The following PON1 variants were observed in gnomAD, a reference collection of about 807,000 sequenced individuals.
PON1 encodes serum paraoxonase/arylesterase 1.
PON1 carries 37 observed loss-of-function variants against 39.2 expected under a neutral mutation model. The observed-to-expected ratio is 0.94, with a 90% CI of 0.73 to 1.24. PON1 has a LOEUF of 1.24. Among genes scored for constraint, PON1 ranks in the 50% most tolerant of loss-of-function variants. The pLI is 0.00. For synonymous variants in PON1, 148 were observed against 152.2 expected, an observed-to-expected ratio of 0.97 and a Z score of 0.21; for missense variants, 397 against 413.5, an observed-to-expected ratio of 0.96 and a Z score of 0.35.
Position 95,298,606 on chromosome 7 carries a change from G to A in PON1, c.*338C>T, listed in dbSNP as rs1585689153. On this transcript the variant is annotated 3_prime_UTR_variant, in exon 9 of 9. Transcript: ENST00000222381. Reference sequence around the variant, plus strand: ...CATGGCAAGGCAGCGATACACACATGTGCTTCCAGGCAACACATGTTTTAG... The same window carrying A: ...CATGGCAAGGCAGCGATACACACATATGCTTCCAGGCAACACATGTTTTAG... The A allele has an allele frequency of 2.6e-6, 1 of 384,994 alleles. No individual in the cohort carries two copies. The highest frequency in any genetic ancestry group is 2.2e-5 in the South Asian group (1 of 46,098). 23.8% of individuals were successfully genotyped at this position (384,994 alleles called of 1,614,324 possible). A position where few individuals can be genotyped will look rare whatever the true frequency, so the allele number is the denominator to read the frequency against.
In PON1 at chr7:95,306,479, T is replaced by C. The variant is rs1446198954; in HGVS notation, c.699-113A>G. ...AGAACTTTGCTTAAGGAATGGAAAA[T>C]GGAACCCACCTCAAACACACCAAAT... On this transcript the variant is annotated intron_variant, in intron 6 of 8. Coordinates refer to ENST00000222381, the MANE Select transcript of PON1 (RefSeq NM_000446.7). 3 of 807,260 alleles carry C rather than the reference T, an allele frequency of 3.7e-6. No individual in the cohort carries two copies. The African/African-American group carries it at 5.1e-5, about 14-fold the overall frequency. 50.0% of individuals were successfully genotyped at this position (807,260 alleles called of 1,614,324 possible).
intron 4 of PON1, 114 bp from the exon 5 acceptor site, chr7:95,311,691 T>C: frequency 1.8e-6 from 2 of 1,123,074 alleles, no homozygotes; most frequent in South Asian, 1.3e-5. Context: ...GTCAGGCAGA[T>C]GGAATATTTT....
rs2116333549 is a variant in PON1, at chr7:95,324,354, G to C, written c.74+48C>G. On this transcript the variant is annotated intron_variant, in intron 1 of 8. Coordinates refer to ENST00000222381, the MANE Select transcript of PON1 (RefSeq NM_000446.7). ...TTTCTGGGGGCTCGTGGAGCTGGCA[G>C]GGAGTGAGGAGGACGAAGGCTGCAG... The C allele has an allele frequency of 2.5e-6, 4 of 1,572,612 alleles. No homozygotes were observed. The East Asian group carries it at 9.0e-5, about 35-fold the overall frequency.
At position 95,298,795 on chromosome 7, in the gene PON1, A is replaced by G. The variant is rs751372474; in HGVS notation, c.*149T>C. 3.0e-5 allele frequency: 28 copies of G among 938,942 alleles called. No homozygotes were observed. Among genetic ancestry groups the G allele is most frequent in the Non-Finnish European group, 4.4e-5 (26 of 590,898 alleles). 58.2% of individuals were successfully genotyped at this position (938,942 alleles called of 1,614,324 possible). A position where few individuals can be genotyped will look rare whatever the true frequency, so the allele number is the denominator to read the frequency against. ...AAAAAAAAGCCCTACACATCATATC[A>G]CTCCCAGTTAAACAGTGCTTTGATG... is the stretch of plus-strand genomic sequence containing the variant. On this transcript the variant is annotated 3_prime_UTR_variant, in exon 9 of 9. Transcript: ENST00000222381.
intron 7 of PON1, among the ~76,000 whole-genome samples, chr7:95,302,805 G>A (rs767500509): frequency 6.6e-6 from 1 of 152,166 alleles, no homozygotes; most frequent in Non-Finnish European, 1.5e-5. Context: ...TGCAGCCAGA[G>A]AAGAAATGAT....
Position 95,318,319 on chromosome 7 carries a change from A to G in PON1, c.145+4T>C, listed in dbSNP as rs780854729. On this transcript the variant is annotated splice_donor_region_variant and intron_variant, in intron 2 of 8. Coordinates refer to ENST00000222381, the MANE Select transcript of PON1 (RefSeq NM_000446.7). The stretch of plus-strand genomic sequence containing the variant: ...TGAGACCCTTCTTCCTCTCACATAC[A>G]TACCGATTCCTTTAACTAAATTACA... The G allele has an allele frequency of 1.4e-5, 23 of 1,598,940 alleles. No homozygotes were observed. The highest frequency in any genetic ancestry group is 2.0e-5 in the Non-Finnish European group (23 of 1,166,296).
intron 7 of PON1, among the ~76,000 whole-genome samples, chr7:95,303,725 A>G (rs939124530): frequency 2.3e-4 from 35 of 152,208 alleles, no homozygotes; most frequent in Admixed American, 2.0e-3. Flanking sequence ...TTGCAAATAA[A>G]TAATTCCTCT....
chr7:95,321,827 A>T (rs1465357928), intron 1 of PON1, among the ~76,000 whole-genome samples: 3 of 152,138 alleles, frequency 2.0e-5, no homozygotes, highest in African/African-American at 7.2e-5. Context: ...CTGCATTGGG[A>T]TTAATAACTC....
At chr7:95,305,963 G>A (rs1025754319) in intron 7 of PON1, among the ~76,000 whole-genome samples, 2 of 151,864 alleles carry the variant, frequency 1.3e-5, no homozygotes, top group South Asian at 2.1e-4. Flanking sequence ...GGGAAGGAAG[G>A]TGGAGGAGAG....
chr7:95,321,611 G>T (rs1182141695), intron 1 of PON1, among the ~76,000 whole-genome samples: 3 of 152,196 alleles, frequency 2.0e-5, no homozygotes, highest in Admixed American at 6.5e-5. Context: ...GGCACTGAGA[G>T]GCTGAGTAAA....
chr7:95,324,499 G>A lies in PON1; in HGVS notation c.-24C>T, dbSNP rs543016244. On this transcript the variant is annotated 5_prime_UTR_variant, in exon 1 of 9. Coordinates refer to ENST00000222381, the MANE Select transcript of PON1 (RefSeq NM_000446.7). ...ATGGTCGGGGATAGACAAAGGGATCGATGGGCGCAGACACCGACGGGCTAG... is the reference window on the plus strand; with the variant it reads ...ATGGTCGGGGATAGACAAAGGGATCAATGGGCGCAGACACCGACGGGCTAG... The A allele has an allele frequency of 3.0e-4, 482 of 1,609,174 alleles. 4 individuals are homozygous for A. The South Asian group carries it at 4.8e-3, about 16-fold the overall frequency.
intron 2 of PON1, 111 bp from the exon 3 acceptor site, chr7:95,316,900 A>AT: frequency 8.7e-6 from 7 of 804,644 alleles, no homozygotes; most frequent in Non-Finnish European, 1.4e-5. Context: ...ACTCTTCTTT[A>AT]ATAGGTTCAG....
chr7:95,321,857 C>T (rs371591367), intron 1 of PON1, among the ~76,000 whole-genome samples: 1 of 152,188 alleles, frequency 6.6e-6, no homozygotes, highest in East Asian at 1.9e-4. Context: ...CCCTCAGGAA[C>T]CTTCACATAT....
chr7:95,300,004 A>T (rs979620234), intron 8 of PON1, among the ~76,000 whole-genome samples: 2 of 151,794 alleles, frequency 1.3e-5, no homozygotes, highest in Non-Finnish European at 2.9e-5. Flanking sequence ...GTGGCCCTCA[A>T]AAAACCATAT....
chr7:95,322,745 G>A (rs1485676241), intron 1 of PON1, among the ~76,000 whole-genome samples: 1 of 152,130 alleles, frequency 6.6e-6, no homozygotes, highest in Non-Finnish European at 1.5e-5. Flanking sequence ...GACTTGTGCG[G>A]CACATACAGC....
chr7:95,312,108 C>T (rs1807668199), intron 4 of PON1, among the ~76,000 whole-genome samples: 4 of 152,198 alleles, frequency 2.6e-5, no homozygotes, highest in Admixed American at 2.6e-4. Context: ...TCAGAGCTGG[C>T]AAGTAAAAGT....
chr7:95,322,271 T>TTATATATATATATA (rs3046669), intron 1 of PON1, among the ~76,000 whole-genome samples: 1 of 146,580 alleles, frequency 6.8e-6, no homozygotes, highest in African/African-American at 2.5e-5. Context: ...TGCCTGATTT[T>TTATATATATATATA]TATATATATA....
chr7:95,316,060 T>C (rs1012415187), intron 3 of PON1, among the ~76,000 whole-genome samples: 33 of 152,328 alleles, frequency 2.2e-4, no homozygotes, highest in African/African-American at 7.7e-4. Context: ...ATGACTAGTC[T>C]ATCATCTTTG....
Position 95,302,308 on chromosome 7 carries a change from T to C in PON1, c.806A>G (p.Asp269Gly), listed in dbSNP as rs773059400. 3.1e-6 allele frequency: 5 copies of C among 1,607,774 alleles called. No homozygotes were observed. In the African/African-American group the frequency reaches 5.3e-5, roughly 17 times the overall value. ...LKSLDFNTLV[D>G]NISVDPETGD... ...TGTCTCAGGATCCACAGATATGTTA[T>C]CCACGAGGGTATTAAAGTCAAGGGA... The change falls in exon 8 of 9, where the codon GAT becomes GGT. Residue 269 changes from aspartate to glycine, a missense_variant. By Grantham distance (94) the Asp-to-Gly change is moderately conservative (BLOSUM62 -1). Transcript: ENST00000222381.
Sources: gnomAD v4.1 joint callset for allele counts (sites outside exome capture counted in the v4.1 genomes callset) on GRCh38, gnomAD v4.1.1 for gene constraint, MANE v1.5 for transcripts, NCBI Gene and HGNC (gene_info 2026-07-23, HGNC 2026-07-21) for gene names.